WDR7: variants seen among roughly 807,000 people sequenced by gnomAD.
WDR7 encodes WD repeat domain 7, also known as WD repeat-containing protein 7.
Under a neutral mutation model 169.4 loss-of-function variants are expected in WDR7, and 46 were observed. The ratio of observed to expected loss-of-function variants is 0.27; its 90% CI spans 0.21 to 0.35. The LOEUF (loss-of-function observed/expected upper bound fraction) is 0.35, where lower values mean the gene tolerates loss of function less well. WDR7 is among the 10% of genes least tolerant of loss of function. The pLI is 1.00. For missense variants in WDR7, 1,534 were observed against 1,859.3 expected (o/e 0.83, Z 3.22); for synonymous variants, 612 against 666.8 (o/e 0.92, Z 1.27).
Position 56,850,039 on chromosome 18 carries a change from C to G in WDR7, c.3305-29905C>G, listed in dbSNP as rs115087748. On this transcript the variant is annotated intron_variant, in intron 20 of 27. Transcript: ENST00000254442. The stretch of plus-strand genomic sequence containing the variant: ...TGAATGTGGCCTTCATGAATGTGGC[C>G]AAGTCTGTTCCAGTTTTAGGAGCTT... Among the ~76,000 whole-genome samples, 1,240 of 152,208 alleles carry G rather than the reference C, an allele frequency of 8.1e-3. 21 individuals carry two copies. Among genetic ancestry groups the G allele is most frequent in the African/African-American group, 0.026 (1,089 of 41,510 alleles).
In WDR7 at chr18:57,025,142, AAAAT is replaced by A. The variant is rs138290667; in HGVS notation, c.4270-1859_4270-1856del. Among the ~76,000 whole-genome samples the A allele has an allele frequency of 9.7e-3, 1,477 of 152,322 alleles. 27 individuals are homozygous for A. The highest frequency in any genetic ancestry group is 0.034 in the African/African-American group (1,400 of 41,562). On this transcript the variant is annotated intron_variant, in intron 27 of 27. Transcript: ENST00000254442. ...TGGCTAAATTTGAAGAGAGGAATTAAAAATAAGGAAGTGTCTGAGCATTATATGC... is the reference window on the plus strand; with the variant it reads ...TGGCTAAATTTGAAGAGAGGAATTAAAAGGAAGTGTCTGAGCATTATATGC...
At chr18:56,678,816 C>T (rs584979) in intron 2 of WDR7, among the ~76,000 whole-genome samples, 139,708 of 152,226 alleles carry the variant, frequency 0.92, 65,286 homozygotes, top group East Asian at 1. Flanking sequence ...CTTGCAGACT[C>T]GTAGAGGTAC....
At chr18:56,885,627 C>G (rs971435670) in intron 21 of WDR7, among the ~76,000 whole-genome samples, 7 of 150,448 alleles carry the variant, frequency 4.7e-5, no homozygotes, top group African/African-American at 1.7e-4. Context: ...CAAGACCATC[C>G]TAGCTAACAC....
intron 19 of WDR7, among the ~76,000 whole-genome samples, chr18:56,803,294 G>A (rs1319670695): frequency 6.6e-6 from 1 of 152,128 alleles, no homozygotes; most frequent in Admixed American, 6.6e-5. Context: ...TCATCTGCTA[G>A]CACAATATTA....
At chr18:56,685,827 G>C (rs1369330971) in intron 5 of WDR7, 129 bp from the exon 6 acceptor site, 4 of 723,790 alleles carry the variant, frequency 5.5e-6, no homozygotes, top group Non-Finnish European at 9.0e-6. Context: ...ATGAAATAGA[G>C]AATTATGTTT....
intron 13 of WDR7, among the ~76,000 whole-genome samples, chr18:56,719,513 G>C (rs954739972): frequency 7.0e-6 from 1 of 142,086 alleles, no homozygotes; most frequent in African/African-American, 2.7e-5. Flanking sequence ...AGTGAGCCAA[G>C]ATCGCGCCAC....
At chr18:56,671,017 A>G (rs1417046227) in intron 1 of WDR7, among the ~76,000 whole-genome samples, 1 of 152,104 alleles carries the variant, frequency 6.6e-6, no homozygotes, top group East Asian at 1.9e-4. Flanking sequence ...TGTTTTGCCA[A>G]TTAGATTTTA....
intron 16 of WDR7, among the ~76,000 whole-genome samples, chr18:56,768,291 A>G (rs1453790679): frequency 1.3e-5 from 2 of 152,212 alleles, no homozygotes; most frequent in Admixed American, 6.5e-5. Flanking sequence ...CAATAGATTT[A>G]GGAATTTTCA....
At chr18:56,997,739 G>A (rs531146711) in intron 26 of WDR7, among the ~76,000 whole-genome samples, 1 of 152,078 alleles carries the variant, frequency 6.6e-6, no homozygotes, top group Non-Finnish European at 1.5e-5. Flanking sequence ...TCAGAAGAAA[G>A]ATGAATAAAT....
At chr18:57,014,566 A>G (rs1392300655) in intron 26 of WDR7, among the ~76,000 whole-genome samples, 1 of 152,024 alleles carries the variant, frequency 6.6e-6, no homozygotes, top group African/African-American at 2.4e-5. Context: ...CTGAGGCAGG[A>G]GAATCACTTG....
At chr18:56,716,519 G>A (rs191431503) in intron 12 of WDR7, among the ~76,000 whole-genome samples, 4 of 152,098 alleles carry the variant, frequency 2.6e-5, no homozygotes, top group Non-Finnish European at 5.9e-5. Context: ...ATTGATTTTA[G>A]GTTGTTTACA....
intron 3 of WDR7, among the ~76,000 whole-genome samples, chr18:56,680,342 A>G (rs994007373): frequency 6.6e-6 from 1 of 152,222 alleles, no homozygotes; most frequent in Non-Finnish European, 1.5e-5. Flanking sequence ...TGGGTGACAC[A>G]GTGAGACCCT....
rs555755170 is a variant in WDR7, at chr18:56,951,302, A to T, written c.4065-11128A>T. Among the ~76,000 whole-genome samples, 12 of 152,268 alleles carry T rather than the reference A, an allele frequency of 7.9e-5. No homozygotes were observed. The South Asian group carries it at 2.5e-3, about 32-fold the overall frequency. On this transcript the variant is annotated intron_variant, in intron 25 of 27. Coordinates refer to ENST00000254442, the MANE Select transcript of WDR7 (RefSeq NM_015285.3). ...TCCCAGCAACCTTAACTGTTGAATG[A>T]TGAATGCAGAGACCCTGTGCCTGCA...
chr18:57,025,174 C>T (rs1474907256), intron 27 of WDR7, among the ~76,000 whole-genome samples: 1 of 152,156 alleles, frequency 6.6e-6, no homozygotes, highest in East Asian at 1.9e-4. Flanking sequence ...TTATATGCCC[C>T]TTGCATTTTG....
At chr18:56,944,107 G>T (rs557207990) in intron 25 of WDR7, among the ~76,000 whole-genome samples, 2 of 148,602 alleles carry the variant, frequency 1.3e-5, no homozygotes, top group South Asian at 4.3e-4. Context: ...TCCTGCCTCA[G>T]CCTCCCAAGT....
chr18:56,974,362 C>CTTTTTTTTTT (rs34901751), intron 26 of WDR7, among the ~76,000 whole-genome samples: 13 of 111,792 alleles, frequency 1.2e-4, no homozygotes, highest in East Asian at 2.4e-4. Context: ...GCTTTTCTTG[C>CTTTTTTTTTT]TTTTTTTTTT....
chr18:56,670,916 A>G (rs1243886950), intron 1 of WDR7, among the ~76,000 whole-genome samples: 1 of 152,148 alleles, frequency 6.6e-6, no homozygotes, highest in East Asian at 1.9e-4. Context: ...TCTTCTATGC[A>G]GCTTTCTTTG....
At chr18:56,917,615 A>C (rs2046646521) in intron 21 of WDR7, among the ~76,000 whole-genome samples, 1 of 152,196 alleles carries the variant, frequency 6.6e-6, no homozygotes, top group Non-Finnish European at 1.5e-5. Context: ...GTAGCCAGAT[A>C]CTACAAAAGT....
At chr18:56,907,390 A>C (rs923587964) in intron 21 of WDR7, among the ~76,000 whole-genome samples, 1 of 152,116 alleles carries the variant, frequency 6.6e-6, no homozygotes, top group East Asian at 1.9e-4. Context: ...GATGCCTTCT[A>C]TTACCATGGA....
Sources: allele counts gnomAD v4.1 joint callset (sites outside exome capture counted in the v4.1 genomes callset), GRCh38; gene constraint gnomAD v4.1.1; transcripts MANE v1.5; gene names NCBI Gene and HGNC (gene_info 2026-07-23, HGNC 2026-07-21).